PTPRD: variants seen among roughly 807,000 people sequenced by gnomAD.
The protein encoded by PTPRD is protein tyrosine phosphatase receptor type D, also known as receptor-type tyrosine-protein phosphatase delta.
In PTPRD, 34 loss-of-function variants were observed where a neutral mutation model predicts 214.5. That is an observed-to-expected ratio of 0.16 (90% confidence interval 0.12 to 0.21). The LOEUF is 0.21. Among genes scored for constraint, PTPRD ranks in the 10% least tolerant of loss-of-function variants. The pLI, the probability that PTPRD is intolerant of heterozygous loss-of-function variation, is 1.00. For missense variants in PTPRD, 2,545 were observed against 2,398.7 expected (o/e 1.06, Z -1.27); for synonymous variants, 1,128 against 845.7 (o/e 1.33, Z -5.79).
At chr9:10,056,049 G>A (rs533657225) in intron 3 of PTPRD, among the ~76,000 whole-genome samples, 3 of 147,924 alleles carry the variant, frequency 2.0e-5, no homozygotes, top group East Asian at 1.9e-4. Flanking sequence ...AGAGCCGGGC[G>A]CAGTGGCTCA....
intron 3 of PTPRD, among the ~76,000 whole-genome samples, chr9:10,274,457 A>G (rs1026078184): frequency 6.6e-6 from 1 of 152,160 alleles, no homozygotes; most frequent in African/African-American, 2.4e-5. Context: ...GTGCATATAA[A>G]TTCTTCGAGT....
chr9:8,364,689 A>G (rs1293524752), intron 39 of PTPRD, among the ~76,000 whole-genome samples: 2 of 152,218 alleles, frequency 1.3e-5, no homozygotes, highest in Non-Finnish European at 2.9e-5. Flanking sequence ...AAGGCAGGAC[A>G]AGTTTATCTA....
chr9:10,241,975 T>C (rs1167959888), intron 3 of PTPRD, among the ~76,000 whole-genome samples: 1 of 151,912 alleles, frequency 6.6e-6, no homozygotes. Flanking sequence ...ACTGACCTTG[T>C]TAAAAGTTAA....
intron 39 of PTPRD, among the ~76,000 whole-genome samples, chr9:8,365,236 A>G (rs2079529006): frequency 6.6e-6 from 1 of 152,194 alleles, no homozygotes; most frequent in African/African-American, 2.4e-5. Flanking sequence ...TGAATGAATC[A>G]TAGTCCTGTT....
intron 7 of PTPRD, among the ~76,000 whole-genome samples, chr9:9,710,451 T>C (rs572882430): frequency 6.6e-6 from 1 of 152,178 alleles, no homozygotes; most frequent in East Asian, 1.9e-4. Context: ...ATTCAATTCA[T>C]GGTAAATATG....
intron 4 of PTPRD, among the ~76,000 whole-genome samples, chr9:10,017,166 A>G (rs1300131496): frequency 6.6e-6 from 1 of 152,198 alleles, no homozygotes; most frequent in Non-Finnish European, 1.5e-5. Context: ...TAGTTTTGAC[A>G]GTCTGGTGGA....
intron 2 of PTPRD, among the ~76,000 whole-genome samples, chr9:10,562,287 C>T (rs939247499): frequency 6.6e-6 from 1 of 151,294 alleles, no homozygotes; most frequent in Non-Finnish European, 1.5e-5. Flanking sequence ...TCTTCTTCAA[C>T]GTAATGGAGG....
chr9:8,509,494 A>T (rs2097627658), intron 21 of PTPRD, among the ~76,000 whole-genome samples: 1 of 152,156 alleles, frequency 6.6e-6, no homozygotes, highest in Non-Finnish European at 1.5e-5. Flanking sequence ...TCCTGACTCA[A>T]ACCAAACCGG....
intron 8 of PTPRD, among the ~76,000 whole-genome samples, chr9:9,527,799 T>C (rs2074482123): frequency 1.3e-5 from 2 of 152,204 alleles, no homozygotes; most frequent in African/African-American, 4.8e-5. Flanking sequence ...TTGAGTACTG[T>C]GTTTGTCCTT....
intron 36 of PTPRD, among the ~76,000 whole-genome samples, chr9:8,396,397 G>A (rs2091178590): frequency 6.6e-6 from 1 of 152,056 alleles, no homozygotes; most frequent in South Asian, 2.1e-4. Flanking sequence ...CAATTTCCCA[G>A]CAATCTGCTA....
At chr9:8,402,486 A>G (rs928169914) in intron 36 of PTPRD, among the ~76,000 whole-genome samples, 4 of 152,240 alleles carry the variant, frequency 2.6e-5, no homozygotes, top group African/African-American at 9.6e-5. Flanking sequence ...TCTTAGTGGA[A>G]ACAATGCTAC....
At chr9:9,017,275 G>A (rs904851149) in intron 11 of PTPRD, among the ~76,000 whole-genome samples, 1 of 152,056 alleles carries the variant, frequency 6.6e-6, no homozygotes, top group African/African-American at 2.4e-5. Context: ...GAAAAGAAAG[G>A]TCATCTTGCT....
At chr9:8,692,131 G>T (rs1043609697) in intron 12 of PTPRD, among the ~76,000 whole-genome samples, 1 of 152,066 alleles carries the variant, frequency 6.6e-6, no homozygotes, top group East Asian at 1.9e-4. Flanking sequence ...ATAAATAAAA[G>T]ATTTTCACTT....
chr9:8,862,424 A>G (rs1257208348), intron 11 of PTPRD, among the ~76,000 whole-genome samples: 1 of 152,220 alleles, frequency 6.6e-6, no homozygotes, highest in African/African-American at 2.4e-5. Context: ...AAAAGAAGAT[A>G]TTAATTAAGG....
At chr9:8,930,737 C>T (rs1373995728) in intron 11 of PTPRD, among the ~76,000 whole-genome samples, 1 of 152,104 alleles carries the variant, frequency 6.6e-6, no homozygotes, top group Non-Finnish European at 1.5e-5. Context: ...TTTCATGTGT[C>T]TTTTGGCTGC....
intron 9 of PTPRD, among the ~76,000 whole-genome samples, chr9:9,337,414 T>C (rs187415592): frequency 9.9e-5 from 15 of 152,148 alleles, no homozygotes; most frequent in African/African-American, 3.6e-4. Flanking sequence ...GCCATTCAAA[T>C]CATCTAACTC....
chr9:8,896,241 A>G (rs2098609504), intron 11 of PTPRD, among the ~76,000 whole-genome samples: 1 of 152,240 alleles, frequency 6.6e-6, no homozygotes, highest in Non-Finnish European at 1.5e-5. Flanking sequence ...AAAAAGGCAG[A>G]GGAAGCTTCT....
At chr9:8,566,658 G>A (rs913512255) in intron 14 of PTPRD, among the ~76,000 whole-genome samples, 3 of 152,130 alleles carry the variant, frequency 2.0e-5, no homozygotes, top group Non-Finnish European at 2.9e-5. Context: ...GATCCTCAGC[G>A]CCTAGCAATG....
intron 9 of PTPRD, among the ~76,000 whole-genome samples, chr9:9,293,756 A>T (rs1952027769): frequency 6.6e-6 from 1 of 151,556 alleles, no homozygotes; most frequent in Non-Finnish European, 1.5e-5. Flanking sequence ...TCTACTCACA[A>T]ATTTAATGCC....
Sources: allele counts gnomAD v4.1 joint callset (sites outside exome capture counted in the v4.1 genomes callset), GRCh38; gene constraint gnomAD v4.1.1; transcripts MANE v1.5; gene names NCBI Gene and HGNC (gene_info 2026-07-23, HGNC 2026-07-21).